Variants in FAM133A observed in about 807,000 individuals in gnomAD.
FAM133A encodes the protein protein FAM133A.
For synonymous variants in FAM133A, 65 were observed against 58.6 expected, an observed-to-expected ratio of 1.11 and a Z score of -0.50; for missense variants, 159 against 164.4, an observed-to-expected ratio of 0.97 and a Z score of 0.18.
rs1036026816 is a variant in FAM133A, at chrX:93,711,463, A to C, written c.*1297A>C. ...TCACTTTTACCACTAGTGTAAAAAT[A>C]AGTGAAAAAATATTTTTACTTTACA... On this transcript the variant is annotated 3_prime_UTR_variant, in exon 4 of 4. Transcript: ENST00000683942. The C allele has an allele frequency of 8.1e-5, 10 of 122,957 alleles. No individual in the cohort carries two copies. The highest frequency in any genetic ancestry group is 2.6e-4 in the African/African-American group (8 of 30,789). The allele number at this position is 122,957 out of a possible 1,213,427, so 10.1% of individuals were successfully genotyped here.
intron 3 of FAM133A, 59 bp downstream of exon 3, chrX:93,698,544 G>A (rs753076212): frequency 1.1e-4 from 12 of 111,776 alleles, no homozygotes; most frequent in African/African-American, 3.6e-4. Context: ...GATCCATGAG[G>A]TTAAAATGAA....
At chrX:93,697,412 T>C (rs1466714076) in intron 2 of FAM133A, among the ~76,000 whole-genome samples, 1 of 110,181 alleles carries the variant, frequency 9.1e-6, no homozygotes, top group Non-Finnish European at 1.9e-5. Flanking sequence ...CTATTGATAT[T>C]TGTGGTATTA....
chrX:93,676,217 A>G (rs1924681752), intron 2 of FAM133A, among the ~76,000 whole-genome samples: 1 of 111,065 alleles, frequency 9.0e-6, no homozygotes, highest in African/African-American at 3.3e-5. Context: ...CGGTTTTAAG[A>G]TAACTTTACA....
Position 93,710,210 on chromosome X carries a change from G to A in FAM133A, c.*44G>A. The A allele has an allele frequency of 8.9e-7, 1 of 1,118,532 alleles. No homozygotes were observed. The highest frequency in any genetic ancestry group is 1.2e-6 in the Non-Finnish European group (1 of 854,881). 92.2% of individuals were successfully genotyped at this position (1,118,532 alleles called of 1,213,427 possible). On this transcript the variant is annotated 3_prime_UTR_variant, in exon 4 of 4. Transcript: ENST00000683942. ...GAATGAGTTTGCCGAGTTCCCCTGT[G>A]TTAGTAGAATTATTTCTGGACTTTG... is the stretch of plus-strand genomic sequence containing the variant.
chrX:93,692,661 C>G (rs1346782540), intron 2 of FAM133A, among the ~76,000 whole-genome samples: 1 of 111,178 alleles, frequency 9.0e-6, no homozygotes, highest in African/African-American at 3.3e-5. Context: ...CATTGCTTCC[C>G]TAAGGATCCT....
chrX:93,690,658 A>G (rs895141079), intron 2 of FAM133A, among the ~76,000 whole-genome samples: 31 of 111,762 alleles, frequency 2.8e-4, no homozygotes, highest in African/African-American at 1.0e-3. Flanking sequence ...TATTTTTGTT[A>G]TTATGTGTAA....
intron 2 of FAM133A, among the ~76,000 whole-genome samples, chrX:93,688,148 C>CTT (rs1339136555): frequency 1.0e-5 from 1 of 98,631 alleles, no homozygotes. Flanking sequence ...ATTTTTCTTT[C>CTT]TTTTTTTTTT....
chrX:93,677,182 C>T (rs182907141), intron 2 of FAM133A, among the ~76,000 whole-genome samples: 242 of 109,908 alleles, frequency 2.2e-3, no homozygotes, highest in Middle Eastern at 9.3e-3. Context: ...GTTCATGCTT[C>T]TACATGAGAT....
Position 93,710,438 on chromosome X carries a change from T to G in FAM133A, c.*272T>G, listed in dbSNP as rs1000126466. The G allele has an allele frequency of 7.6e-6, 2 of 263,411 alleles. No homozygotes were observed. The highest frequency in any genetic ancestry group is 5.6e-5 in the African/African-American group (2 of 35,429). The allele number at this position is 263,411 out of a possible 1,213,427, so 21.7% of individuals were successfully genotyped here. ...AATGAATAACTTTGACAAAAAAAAG[T>G]GTATCTAAGGTTAAATGTATCTAAT... On this transcript the variant is annotated 3_prime_UTR_variant, in exon 4 of 4. Coordinates refer to ENST00000683942, the MANE Select transcript of FAM133A (RefSeq NM_001171109.2).
At chrX:93,688,165 G>A (rs1925662571) in intron 2 of FAM133A, among the ~76,000 whole-genome samples, 2 of 106,435 alleles carry the variant, frequency 1.9e-5, no homozygotes, top group African/African-American at 3.4e-5. Context: ...TTTTTTTGGC[G>A]GAGGGATATA....
intron 2 of FAM133A, among the ~76,000 whole-genome samples, chrX:93,683,408 A>G (rs1487045138): frequency 8.9e-6 from 1 of 112,084 alleles, no homozygotes; most frequent in Non-Finnish European, 1.9e-5. Flanking sequence ...TATTCTTATC[A>G]GAATCTGTTG....
intron 2 of FAM133A, among the ~76,000 whole-genome samples, chrX:93,675,138 T>G (rs968025918): frequency 8.9e-6 from 1 of 112,147 alleles, no homozygotes; most frequent in African/African-American, 3.2e-5. Context: ...ATTGTTTATC[T>G]CTAATTGTCA....
intron 2 of FAM133A, among the ~76,000 whole-genome samples, chrX:93,696,311 G>C (rs776383260): frequency 4.5e-4 from 50 of 111,605 alleles, no homozygotes; most frequent in Non-Finnish European, 5.6e-5. Context: ...GGCCCTCTCT[G>C]TTCAATAGCA....
chrX:93,706,445 A>T (rs1303355696), intron 3 of FAM133A, among the ~76,000 whole-genome samples: 1 of 111,487 alleles, frequency 9.0e-6, no homozygotes, highest in Non-Finnish European at 1.9e-5. Context: ...CCTGCAAAAT[A>T]ATTTAGTTTT....
chrX:93,679,915 ATTTTTTTTTTTTTTTTTTTTTTTTT>A (rs376335726), intron 2 of FAM133A, among the ~76,000 whole-genome samples: 6,379 of 62,491 alleles, frequency 0.1, 398 homozygotes, highest in South Asian at 0.25. Context: ...CTCCTGGCAA[ATTTTTTTTTTTTTTTTTTTTTTTTT>A]TTTTTTTTTT....
intron 2 of FAM133A, among the ~76,000 whole-genome samples, chrX:93,679,571 T>G (rs1924959454): frequency 9.0e-6 from 1 of 111,122 alleles, no homozygotes; most frequent in Non-Finnish European, 1.9e-5. Flanking sequence ...GAAATTTTAA[T>G]TGTCATGTAA....
chrX:93,700,550 A>G (rs981381401), intron 3 of FAM133A, among the ~76,000 whole-genome samples: 1 of 111,653 alleles, frequency 9.0e-6, no homozygotes, highest in Non-Finnish European at 1.9e-5. Context: ...CATGCCAGTT[A>G]TGGAAATATA....
intron 3 of FAM133A, among the ~76,000 whole-genome samples, chrX:93,705,464 C>G (rs188341774): frequency 1.8e-5 from 2 of 111,470 alleles, no homozygotes; most frequent in Non-Finnish European, 3.8e-5. Flanking sequence ...CATACAGATT[C>G]TTCAGTTCAG....
Position 93,709,441 on chromosome X carries a change from G to A in FAM133A, c.22G>A (p.Val8Ile). ...CACCATGGGGAAGCGGGATAATCGG[G>A]TAGCCTATATGAATCCTATAGCAAT... MGKRDNR[V>I]AYMNPIAMAR... is the part of the protein sequence containing the mutation. The change falls in exon 4 of 4, where the codon GTA (valine) becomes ATA (isoleucine). Residue 8 changes from valine to isoleucine, a missense_variant. By Grantham distance (29) the Val-to-Ile change is conservative. Coordinates refer to ENST00000683942, the MANE Select transcript of FAM133A (RefSeq NM_001171109.2). 17 of 1,171,021 alleles carry A rather than the reference G, an allele frequency of 1.5e-5. No homozygotes were observed. Among genetic ancestry groups the A allele is most frequent in the Non-Finnish European group, 1.9e-5 (17 of 880,870 alleles).
Sources: allele counts gnomAD v4.1 joint callset (sites outside exome capture counted in the v4.1 genomes callset), GRCh38; gene constraint gnomAD v4.1.1; transcripts MANE v1.5; gene names NCBI Gene and HGNC (gene_info 2026-07-23, HGNC 2026-07-21).